PYY: variants seen among roughly 807,000 people sequenced by gnomAD.
The protein encoded by PYY is peptide tyrosine tyrosine.
In PYY, 12 loss-of-function variants were observed where a neutral mutation model predicts 10.3. That is an observed-to-expected ratio of 1.17 (90% CI 0.75 to 1.89). The LOEUF (loss-of-function observed/expected upper bound fraction) is 1.89. PYY is among the 40% of genes most tolerant of loss of function. The pLI, the probability that PYY is intolerant of heterozygous loss-of-function variation, is 0.00. For synonymous variants in PYY, 66 were observed against 62.0 expected (o/e 1.06, Z -0.30); for missense variants, 141 against 134.0 (o/e 1.05, Z -0.26).
chr17:44,002,723 T>C (rs1165724029), intron 1 of PYY, among the ~76,000 whole-genome samples: 1 of 152,232 alleles, frequency 6.6e-6, no homozygotes, highest in Non-Finnish European at 1.5e-5. Flanking sequence ...GTGACCCTGA[T>C]CCTCACATAT....
chr17:43,972,667 A>G (rs1272855226), intron 1 of PYY, among the ~76,000 whole-genome samples: 1 of 152,116 alleles, frequency 6.6e-6, no homozygotes, highest in Non-Finnish European at 1.5e-5. Flanking sequence ...TTGCTAGGCA[A>G]ACAGGCATGC....
chr17:43,955,932 G>C (rs541596159), upstream of PYY, among the ~76,000 whole-genome samples: 43 of 151,988 alleles, frequency 2.8e-4, no homozygotes, highest in African/African-American at 9.7e-4. Flanking sequence ...ATACCAGAGA[G>C]TAGGGGGCTA....
At chr17:43,982,167 C>T (rs530879007) in intron 1 of PYY, among the ~76,000 whole-genome samples, 2 of 152,328 alleles carry the variant, frequency 1.3e-5, no homozygotes, top group African/African-American at 4.8e-5. Flanking sequence ...CTCACCCATA[C>T]ACATCACCCC....
At chr17:43,984,158 G>A (rs556233458) in intron 1 of PYY, among the ~76,000 whole-genome samples, 11 of 152,232 alleles carry the variant, frequency 7.2e-5, no homozygotes, top group Admixed American at 1.3e-4. Flanking sequence ...TCGCTGTTAG[G>A]GGGGGCGCCA....
intron 1 of PYY, among the ~76,000 whole-genome samples, chr17:43,980,847 T>C (rs2048879603): frequency 6.6e-6 from 1 of 152,204 alleles, no homozygotes; most frequent in Admixed American, 6.6e-5. Flanking sequence ...TGTTGTTGTG[T>C]GTACAGTTTG....
chr17:43,976,789 A>G (rs993559598), intron 1 of PYY, among the ~76,000 whole-genome samples: 1 of 152,044 alleles, frequency 6.6e-6, no homozygotes, highest in Non-Finnish European at 1.5e-5. Context: ...AAACATAAAA[A>G]CAAAAACAAA....
intron 1 of PYY, 80 bp from the exon 2 acceptor site, chr17:43,953,563 G>A (rs1802601162): frequency 2.3e-6 from 3 of 1,295,326 alleles, no homozygotes; most frequent in Non-Finnish European, 3.1e-6. Context: ...CGTCGGGGCC[G>A]CGCTCCGACG....
At chr17:43,981,707 C>A (rs150408338) in intron 1 of PYY, among the ~76,000 whole-genome samples, 2 of 152,220 alleles carry the variant, frequency 1.3e-5, no homozygotes, top group African/African-American at 4.8e-5. Flanking sequence ...CCAGGTTGGT[C>A]TCGAACTCCT....
At chr17:43,968,297 C>T (rs186677582) in intron 1 of PYY, among the ~76,000 whole-genome samples, 28 of 152,228 alleles carry the variant, frequency 1.8e-4, no homozygotes, top group Admixed American at 3.3e-4. Flanking sequence ...GCCCTGAACA[C>T]GGACACAATC....
chr17:43,984,779 C>T (rs142658496), intron 1 of PYY, among the ~76,000 whole-genome samples: 5 of 152,332 alleles, frequency 3.3e-5, no homozygotes, highest in African/African-American at 1.2e-4. Context: ...TGTCAGGCAC[C>T]AGTCAGCTCT....
intron 1 of PYY, among the ~76,000 whole-genome samples, chr17:43,978,757 T>A (rs2048864888): frequency 6.6e-6 from 1 of 152,168 alleles, no homozygotes; most frequent in African/African-American, 2.4e-5. Flanking sequence ...GCACCAACAC[T>A]AAAGGTAGAC....
chr17:43,996,143 A>C (rs2048990985), intron 1 of PYY, among the ~76,000 whole-genome samples: 2 of 152,172 alleles, frequency 1.3e-5, no homozygotes, highest in Non-Finnish European at 2.9e-5. Context: ...TTTAAAAGAC[A>C]ATGCAGCAGC....
At chr17:43,982,954 G>A (rs925314466) in intron 1 of PYY, among the ~76,000 whole-genome samples, 3 of 152,120 alleles carry the variant, frequency 2.0e-5, no homozygotes, top group Admixed American at 6.6e-5. Flanking sequence ...GCTGGAGGCC[G>A]GGCGTGGTGG....
intron 2 of PYY, among the ~76,000 whole-genome samples, chr17:43,959,074 CA>C (rs1267564102): frequency 6.6e-6 from 1 of 152,150 alleles, no homozygotes; most frequent in Non-Finnish European, 1.5e-5. Flanking sequence ...CTGGAAATAA[CA>C]GGTGACAAAT....
chr17:43,972,782 T>C (rs562793034), intron 1 of PYY, among the ~76,000 whole-genome samples: 1 of 152,252 alleles, frequency 6.6e-6, no homozygotes, highest in Non-Finnish European at 1.5e-5. Context: ...AGTGGCGTGA[T>C]CTCGGTTCAC....
chr17:43,963,943 A>C (rs1470069434), intron 2 of PYY, among the ~76,000 whole-genome samples: 2 of 152,032 alleles, frequency 1.3e-5, no homozygotes, highest in Non-Finnish European at 2.9e-5. Flanking sequence ...AGCCGAGATC[A>C]AGGCTGCAGT....
intron 1 of PYY, among the ~76,000 whole-genome samples, chr17:43,999,165 G>A (rs2049009247): frequency 6.6e-6 from 1 of 152,046 alleles, no homozygotes; most frequent in African/African-American, 2.4e-5. Flanking sequence ...GAGGAGGAGG[G>A]AGGGAGGCAA....
chr17:43,956,041 C>CATGGGG (rs896945320), upstream of PYY, among the ~76,000 whole-genome samples: 5 of 152,010 alleles, frequency 3.3e-5, no homozygotes, highest in Admixed American at 1.3e-4. Context: ...GTGAGATGGC[C>CATGGGG]ATGGGGAATC....
intron 1 of PYY, among the ~76,000 whole-genome samples, chr17:43,996,477 T>C (rs1446864186): frequency 6.6e-6 from 1 of 152,084 alleles, no homozygotes; most frequent in African/African-American, 2.4e-5. Flanking sequence ...GTAATTTTCA[T>C]TTTTTGAGAC....
Sources: gnomAD v4.1 joint callset for allele counts (sites outside exome capture counted in the v4.1 genomes callset) on GRCh38, gnomAD v4.1.1 for gene constraint, MANE v1.5 for transcripts, NCBI Gene and HGNC (gene_info 2026-07-23, HGNC 2026-07-21) for gene names.